Variants in PRKN observed in about 807,000 individuals in gnomAD.
PRKN encodes the protein parkin RBR E3 ubiquitin protein ligase.
Under a neutral mutation model 59.5 loss-of-function variants are expected in PRKN, and 56 were observed. That is an observed-to-expected ratio of 0.94 (90% CI 0.76 to 1.18). PRKN has a LOEUF of 1.18. Ranked by LOEUF, PRKN falls within the 50% of genes most tolerant of loss-of-function variation. PRKN has a pLI of 0.00. For missense variants in PRKN, 657 were observed against 596.4 expected (o/e 1.10, Z -1.06); for synonymous variants, 250 against 222.1 (o/e 1.13, Z -1.12).
At position 162,254,609 on chromosome 6, in the gene PRKN, G is replaced by A. The variant is rs548748363; in HGVS notation, c.412+7916C>T. Reference sequence around the variant, plus strand: ...GTCTTCCTGCTCACTTAGAATAAGAGCTGTGTTTGCATTGCACAATGAACA... The same window carrying A: ...GTCTTCCTGCTCACTTAGAATAAGAACTGTGTTTGCATTGCACAATGAACA... On this transcript the variant is annotated intron_variant, in intron 3 of 11. Coordinates refer to ENST00000366898, the MANE Select transcript of PRKN (RefSeq NM_004562.3). Among the ~76,000 whole-genome samples, 6 of 152,220 alleles carry A rather than the reference G, an allele frequency of 3.9e-5. No homozygotes were observed. In the South Asian group the frequency reaches 1.2e-3, roughly 32 times the overall value.
chr6:161,701,560 C>T (rs981416141), intron 7 of PRKN, among the ~76,000 whole-genome samples: 1 of 152,082 alleles, frequency 6.6e-6, no homozygotes, highest in African/African-American at 2.4e-5. Context: ...TACATTTAAC[C>T]TATTACAAAA....
chr6:162,043,639 G>T (rs2128282631), intron 5 of PRKN, among the ~76,000 whole-genome samples: 1 of 152,298 alleles, frequency 6.6e-6, no homozygotes, highest in South Asian at 2.1e-4. Flanking sequence ...TTGTCCTTTG[G>T]AAAGGATGAA....
At chr6:162,105,036 C>T (rs995710096) in intron 4 of PRKN, among the ~76,000 whole-genome samples, 6 of 152,142 alleles carry the variant, frequency 3.9e-5, no homozygotes, top group African/African-American at 1.4e-4. Context: ...GCTTACGTAT[C>T]TGTGGTTTTT....
chr6:162,357,766 G>A (rs968745705), intron 2 of PRKN, among the ~76,000 whole-genome samples: 1 of 152,204 alleles, frequency 6.6e-6, no homozygotes, highest in East Asian at 1.9e-4. Context: ...CAATAGATAT[G>A]AAGGAAATTT....
rs1777402868 is a variant in PRKN at position 161,488,168 on chromosome 6, T to C, written c.1083+60686A>G. 6.6e-6 allele frequency among the ~76,000 whole-genome samples: 1 copy of C among 152,064 alleles called. No individual in the cohort carries two copies. Among genetic ancestry groups the C allele is most frequent in the Non-Finnish European group, 1.5e-5 (1 of 68,016 alleles). On this transcript the variant is annotated intron_variant, in intron 9 of 11. Transcript: ENST00000366898. This position sits in a 1 kb window ranked among gnomAD's most constrained non-coding sequence, Gnocchi z 4.5. ...ACACCTGTTTAGAGGGCTAAATGAA[T>C]GGAGGCAGCCATGCAAAAAGCTGAA...
chr6:162,692,177 TA>T (rs11298895), intron 1 of PRKN, among the ~76,000 whole-genome samples: 111,223 of 146,562 alleles, frequency 0.76, 41,847 homozygotes, highest in African/African-American at 0.81. Context: ...ATTAGAAAAT[TA>T]AAAAAAAAAA....
chr6:162,107,121 C>A (rs1468788778), intron 4 of PRKN, among the ~76,000 whole-genome samples: 1 of 152,078 alleles, frequency 6.6e-6, no homozygotes. Flanking sequence ...TTCTCACAAC[C>A]CCCATCAGGT....
chr6:162,671,908 G>C (rs889178007), intron 1 of PRKN, among the ~76,000 whole-genome samples: 5 of 152,110 alleles, frequency 3.3e-5, no homozygotes, highest in African/African-American at 1.2e-4. Flanking sequence ...ATGAGGGACA[G>C]GGAGGAAGAC....
chr6:162,359,079 A>AATATATATATATATATAT (rs1554304695), intron 2 of PRKN, among the ~76,000 whole-genome samples: 13 of 83,230 alleles, frequency 1.6e-4, no homozygotes, highest in African/African-American at 8.1e-4. Context: ...AAAAAAAAAA[A>AATATATATATATATATAT]ATATATATAT....
chr6:162,358,453 A>G (rs549772946), intron 2 of PRKN, among the ~76,000 whole-genome samples: 2 of 152,284 alleles, frequency 1.3e-5, no homozygotes, highest in East Asian at 1.9e-4. Context: ...CCTTCTTTTT[A>G]AAATAATAAT....
At chr6:162,642,842 A>G (rs1253135823) in intron 1 of PRKN, among the ~76,000 whole-genome samples, 1 of 152,052 alleles carries the variant, frequency 6.6e-6, no homozygotes, top group Admixed American at 6.5e-5. Context: ...TAAGTCTAGT[A>G]CAATATTAGG....
intron 2 of PRKN, among the ~76,000 whole-genome samples, chr6:162,375,771 A>C (rs1384889239): frequency 6.6e-6 from 1 of 151,914 alleles, no homozygotes; most frequent in African/African-American, 2.4e-5. Flanking sequence ...ACACAAACAC[A>C]CACCCCACTC....
chr6:161,543,868 T>G (rs1032152897), intron 9 of PRKN, among the ~76,000 whole-genome samples: 62 of 152,328 alleles, frequency 4.1e-4, no homozygotes, highest in African/African-American at 1.4e-3. Flanking sequence ...CATATTTTGT[T>G]GCTGTTTTCC....
chr6:162,554,963 A>C (rs373660255), intron 1 of PRKN, among the ~76,000 whole-genome samples: 1 of 152,192 alleles, frequency 6.6e-6, no homozygotes, highest in Non-Finnish European at 1.5e-5. Flanking sequence ...TGCTACACCT[A>C]TTATATATCT....
chr6:161,786,348 C>A (rs1034516448), intron 6 of PRKN, among the ~76,000 whole-genome samples: 2 of 152,042 alleles, frequency 1.3e-5, no homozygotes, highest in Non-Finnish European at 2.9e-5. Context: ...GTTTATTTTG[C>A]TATTCCCATA....
intron 1 of PRKN, among the ~76,000 whole-genome samples, chr6:162,609,759 T>G (rs1782069366): frequency 6.6e-6 from 1 of 152,214 alleles, no homozygotes; most frequent in African/African-American, 2.4e-5. Flanking sequence ...CTACAATGAT[T>G]TTATTGCCAC....
chr6:161,534,492 G>GGT (rs1315819452), intron 9 of PRKN, among the ~76,000 whole-genome samples: 1 of 152,184 alleles, frequency 6.6e-6, no homozygotes, highest in African/African-American at 2.4e-5. Context: ...GTGGGCAAGT[G>GGT]GTATGCACAC....
chr6:162,086,413 G>GT (rs1779248637), intron 4 of PRKN, among the ~76,000 whole-genome samples: 1 of 150,236 alleles, frequency 6.7e-6, no homozygotes, highest in Non-Finnish European at 1.5e-5. Context: ...CAAGCACATT[G>GT]TAAGGTAACA....
At chr6:161,936,363 C>T (rs1779356777) in intron 6 of PRKN, among the ~76,000 whole-genome samples, 1 of 152,032 alleles carries the variant, frequency 6.6e-6, no homozygotes, top group African/African-American at 2.4e-5. Flanking sequence ...GCGCATGCCA[C>T]AACACCTGGC....
Sources: allele counts gnomAD v4.1 joint callset (sites outside exome capture counted in the v4.1 genomes callset), GRCh38; gene constraint gnomAD v4.1.1; non-coding constraint Gnocchi (gnomAD v3.1); transcripts MANE v1.5; gene names NCBI Gene and HGNC (gene_info 2026-07-23, HGNC 2026-07-21).